The following SPATA1 variants were observed in gnomAD, a reference collection of about 807,000 sequenced individuals.
SPATA1 encodes spermatogenesis associated 1.
A neutral mutation model predicts 59.6 loss-of-function variants in SPATA1; 57 were observed. The observed-to-expected ratio is 0.96, with a 90% CI of 0.77 to 1.19. The LOEUF is 1.19. Ranked by LOEUF, SPATA1 falls within the 50% of genes most tolerant of loss-of-function variation. The pLI is 0.00. For synonymous variants in SPATA1, 147 were observed against 163.9 expected (o/e 0.90, Z 0.79); for missense variants, 448 against 480.7 (o/e 0.93, Z 0.64).
At chr1:84,509,523 G>A (rs1682443231) in intron 1 of SPATA1, among the ~76,000 whole-genome samples, 1 of 152,226 alleles carries the variant, frequency 6.6e-6, no homozygotes. Flanking sequence ...CAGCACTTTG[G>A]GAGGCCGAGG....
intron 6 of SPATA1, among the ~76,000 whole-genome samples, chr1:84,531,288 G>T (rs372580159): frequency 6.6e-6 from 1 of 151,346 alleles, no homozygotes; most frequent in South Asian, 2.1e-4. Flanking sequence ...CCAGCCTCCC[G>T]AGTAGCTGGG....
downstream of SPATA1, chr1:84,555,006 TG>T (rs1357908773): frequency 5.0e-6 from 8 of 1,613,210 alleles, no homozygotes; most frequent in Non-Finnish European, 6.8e-6. Context: ...TGTTCATCTC[TG>T]TAACAGCTTT....
At chr1:84,526,052 C>T in exon 6 of SPATA1, 1 of 1,610,680 alleles carries the variant, frequency 6.2e-7, no homozygotes, top group Non-Finnish European at 8.5e-7. Context: ...GAAAGAGCTT[C>T]CTAACAAGAA....
At chr1:84,515,817 T>A in intron 1 of SPATA1, among the ~76,000 whole-genome samples, 1 of 152,142 alleles carries the variant, frequency 6.6e-6, no homozygotes, top group South Asian at 2.1e-4. Context: ...GATATAACAG[T>A]TTTCATCATT....
chr1:84,511,544 C>T (rs1358016565), intron 1 of SPATA1, among the ~76,000 whole-genome samples: 1 of 150,492 alleles, frequency 6.6e-6, no homozygotes, highest in Non-Finnish European at 1.5e-5. Context: ...GGAGTGCCCT[C>T]TTGTCAACAC....
chr1:84,566,599 A>AT (rs1436200471), downstream of SPATA1, among the ~76,000 whole-genome samples: 10 of 152,102 alleles, frequency 6.6e-5, no homozygotes, highest in Admixed American at 6.6e-4. Context: ...AAATGATCTT[A>AT]TTTTACGGAA....
chr1:84,552,950 C>CA (rs1684322407), intron 12 of SPATA1: 1 of 903,156 alleles, frequency 1.1e-6, no homozygotes, highest in Non-Finnish European at 1.7e-6. Context: ...AAAGCGGTTA[C>CA]AAAAACCCTG....
intron 4 of SPATA1, among the ~76,000 whole-genome samples, chr1:84,525,205 A>T (rs1683168113): frequency 6.6e-6 from 1 of 152,162 alleles, no homozygotes; most frequent in African/African-American, 2.4e-5. Flanking sequence ...GACCTCAAGT[A>T]ATCTGCCCAA....
intron 4 of SPATA1, among the ~76,000 whole-genome samples, chr1:84,561,577 G>A (rs12075688): frequency 0.054 from 8,177 of 152,246 alleles, 769 homozygotes; most frequent in African/African-American, 0.19. Context: ...TGGGTAAAAT[G>A]CAATCAAATA....
intron 4 of SPATA1, among the ~76,000 whole-genome samples, chr1:84,560,518 T>C (rs1290031439): frequency 1.3e-5 from 2 of 152,234 alleles, no homozygotes; most frequent in Non-Finnish European, 2.9e-5. Flanking sequence ...GTTTTCATTC[T>C]GAAACCTCCC....
chr1:84,514,522 A>G (rs74095432), intron 1 of SPATA1, among the ~76,000 whole-genome samples: 27,336 of 152,100 alleles, frequency 0.18, 2,498 homozygotes, highest in South Asian at 0.31. Context: ...GCATCATGTC[A>G]GCATTCAAAT....
At chr1:84,561,685 C>T (rs1684597307) in intron 4 of SPATA1, among the ~76,000 whole-genome samples, 1 of 152,158 alleles carries the variant, frequency 6.6e-6, no homozygotes. Context: ...CATAGCCACC[C>T]CAACCTTCAG....
At chr1:84,559,433 C>A (rs1684546295), downstream of SPATA1, among the ~76,000 whole-genome samples, 1 of 152,096 alleles carries the variant, frequency 6.6e-6, no homozygotes, top group Admixed American at 6.6e-5. Context: ...CCAGCCTGGC[C>A]AACATGGTGA....
At chr1:84,524,023 T>C (rs1451856661) in intron 4 of SPATA1, among the ~76,000 whole-genome samples, 1 of 151,194 alleles carries the variant, frequency 6.6e-6, no homozygotes, top group Non-Finnish European at 1.5e-5. Flanking sequence ...AGTGTAGTGA[T>C]GAAGATTAAA....
exon 5 of SPATA1, chr1:84,565,867 T>C (rs755772693): frequency 7.6e-6 from 12 of 1,568,756 alleles, no homozygotes; most frequent in African/African-American, 2.8e-5. Flanking sequence ...ATAGGGAGCA[T>C]TGGCTGCTGC....
At chr1:84,548,905 C>A (rs780862313) in exon 11 of SPATA1, 274 of 1,607,478 alleles carry the variant, frequency 1.7e-4, no homozygotes, top group Non-Finnish European at 2.2e-4. Flanking sequence ...GCTCATGCAA[C>A]TTGAAGCCAG....
chr1:84,533,643 A>G (rs78376567), intron 7 of SPATA1, 66 bp from the exon 8 acceptor site: 46,872 of 1,255,610 alleles, frequency 0.037, 1,130 homozygotes, highest in Admixed American at 0.099. Context: ...AAATACATAA[A>G]ATATGAAAAG....
exon 13 of SPATA1, chr1:84,554,228 A>T (rs2102013181): frequency 6.7e-6 from 1 of 150,140 alleles, no homozygotes; most frequent in Non-Finnish European, 1.5e-5. Context: ...ATGAATAATT[A>T]GAAGTGTGAC....
intron 1 of SPATA1, among the ~76,000 whole-genome samples, chr1:84,509,256 AAC>A (rs1267572829): frequency 1.3e-5 from 2 of 152,134 alleles, no homozygotes; most frequent in Non-Finnish European, 2.9e-5. Context: ...AGAACCCAGA[AAC>A]AAATTCATTC....
Sources: allele counts gnomAD v4.1 joint callset (sites outside exome capture counted in the v4.1 genomes callset), GRCh38; gene constraint gnomAD v4.1.1; transcripts MANE v1.5; gene names NCBI Gene and HGNC (gene_info 2026-07-23, HGNC 2026-07-21).